Variants in CCND3 observed in about 807,000 individuals in gnomAD.
CCND3 encodes the protein G1/S-specific cyclin-D3.
A neutral mutation model predicts 28.7 loss-of-function variants in CCND3; 9 were observed. That is an observed-to-expected ratio of 0.31 (90% CI 0.19 to 0.55). The LOEUF (loss-of-function observed/expected upper bound fraction) is 0.55. Ranked by LOEUF, CCND3 falls within the 20% of genes least tolerant of loss-of-function variation. The probability of loss-of-function intolerance (pLI) is 0.93; values close to 1 mark genes in which losing one functional copy is unlikely to be tolerated. For missense variants in CCND3, 315 were observed against 385.8 expected, an observed-to-expected ratio of 0.82 and a Z score of 1.54; for synonymous variants, 164 against 163.9, an observed-to-expected ratio of 1.00 and a Z score of 0.00.
At chr6:42,013,431 GAGGGC>G (rs1763397895) in intron 1 of CCND3, among the ~76,000 whole-genome samples, 2 of 152,200 alleles carry the variant, frequency 1.3e-5, no homozygotes, top group African/African-American at 4.8e-5. Flanking sequence ...TAAGCTATAG[GAGGGC>G]AGGGTTGTTG....
At chr6:41,958,819 A>G (rs534412753) in intron 1 of CCND3, among the ~76,000 whole-genome samples, 1 of 152,324 alleles carries the variant, frequency 6.6e-6, no homozygotes, top group South Asian at 2.1e-4. Context: ...TCAGTTCGGA[A>G]ACAAGTGTTA....
chr6:42,029,314 A>G (rs1008228489), intron 1 of CCND3, among the ~76,000 whole-genome samples: 15 of 152,078 alleles, frequency 9.9e-5, no homozygotes, highest in Non-Finnish European at 2.1e-4. Flanking sequence ...TAGTTTTTGA[A>G]CAAGGGCTCT....
intron 1 of CCND3, among the ~76,000 whole-genome samples, chr6:41,959,528 CA>C (rs895130739): frequency 4.9e-4 from 74 of 151,696 alleles, no homozygotes; most frequent in Admixed American, 1.8e-3. Context: ...ACTAAAAATA[CA>C]AAAAATTAGC....
chr6:42,005,318 G>T (rs1287178491), intron 1 of CCND3, among the ~76,000 whole-genome samples: 1 of 152,064 alleles, frequency 6.6e-6, no homozygotes, highest in Non-Finnish European at 1.5e-5. Flanking sequence ...AGGGCGGGTG[G>T]ATAATTTGAG....
chr6:41,950,802 A>G (rs913988080), intron 1 of CCND3, among the ~76,000 whole-genome samples: 13 of 146,744 alleles, frequency 8.9e-5, no homozygotes, highest in Non-Finnish European at 1.6e-4. Flanking sequence ...TCCGCCTCCC[A>G]GGTTCACGCC....
chr6:41,982,822 C>T (rs1762385010), intron 1 of CCND3, among the ~76,000 whole-genome samples: 1 of 127,196 alleles, frequency 7.9e-6, no homozygotes, highest in Non-Finnish European at 1.6e-5. Flanking sequence ...AAAGGCAATA[C>T]AATGAAGTGA....
At position 41,982,929 on chromosome 6, in the gene CCND3, T is replaced by C. The variant is rs186076209; in HGVS notation, c.-45-42344A>G. ...AATCTAGATACAGATCTTATGCTCT[T>C]CACTAAGGTCAACTAAAAATGGATC... On this transcript the variant is annotated intron_variant, in intron 1 of 4. Transcript: ENST00000372988. 2.5e-4 allele frequency among the ~76,000 whole-genome samples: 38 copies of C among 149,730 alleles called. No homozygotes were observed. The East Asian group carries it at 7.2e-3, about 28-fold the overall frequency.
chr6:41,947,201 A>G (rs1347002464), intron 1 of CCND3, among the ~76,000 whole-genome samples: 2 of 151,798 alleles, frequency 1.3e-5, no homozygotes, highest in Non-Finnish European at 2.9e-5. Flanking sequence ...AGCCTGGGCA[A>G]CAGAGCAAGA....
At position 41,996,670 on chromosome 6, in the gene CCND3, C is replaced by CTT. The variant is rs34368226; in HGVS notation, c.-46+51829_-46+51830dup. On this transcript the variant is annotated intron_variant, in intron 1 of 4. Transcript: ENST00000372988. ...CCTTGAAGGTAGGGAAAAATCTTACCTTTTTTTTTTTTTGAGACGGAGTCT... is the reference window on the plus strand; with the variant it reads ...CCTTGAAGGTAGGGAAAAATCTTACCTTTTTTTTTTTTTTTGAGACGGAGTCT... Among the ~76,000 whole-genome samples, 211 of 141,336 alleles carry CTT rather than the reference C, an allele frequency of 1.5e-3. 1 individual carries two copies. In the Middle Eastern group the frequency reaches 0.022, roughly 15 times the overall value. 92.7% of individuals were successfully genotyped at this position (141,336 alleles called of 152,430 possible). A position where few individuals can be genotyped will look rare whatever the true frequency, so the allele number is the denominator to read the frequency against.
At chr6:41,999,117 T>G (rs775115808) in intron 1 of CCND3, among the ~76,000 whole-genome samples, 2 of 152,316 alleles carry the variant, frequency 1.3e-5, no homozygotes, top group Admixed American at 1.3e-4. Flanking sequence ...GTGGCCAACG[T>G]AGGATGTAAA....
chr6:41,939,701 C>T lies in CCND3; in HGVS notation c.414+669G>A, dbSNP rs1188645002. 1.3e-5 allele frequency among the ~76,000 whole-genome samples: 2 copies of T among 152,158 alleles called. No individual in the cohort carries two copies. The highest frequency in any genetic ancestry group is 2.9e-5 in the Non-Finnish European group (2 of 68,020). Reference sequence around the variant, plus strand: ...CTCCCTGTCTGTCCCTCAGCTTGGGCCTTGGGCTAAGGGGGGAAGAGGGAG... The same window carrying T: ...CTCCCTGTCTGTCCCTCAGCTTGGGTCTTGGGCTAAGGGGGGAAGAGGGAG... On this transcript the variant is annotated intron_variant, in intron 2 of 4. Transcript: ENST00000372991. This position sits in a 1 kb window ranked among gnomAD's most constrained non-coding sequence, Gnocchi z 4.2.
intron 1 of CCND3, among the ~76,000 whole-genome samples, chr6:41,999,144 C>G (rs992647514): frequency 3.3e-4 from 51 of 152,280 alleles, no homozygotes; most frequent in Non-Finnish European, 5.6e-4. Context: ...AGAATTTGTG[C>G]TGTGGCTGGG....
intron 1 of CCND3, chr6:41,940,856 C>T: frequency 1.6e-6 from 2 of 1,222,246 alleles, no homozygotes; most frequent in Non-Finnish European, 1.2e-6. Flanking sequence ...ACGGAGACTC[C>T]CCTCCCCCAC....
intron 1 of CCND3, among the ~76,000 whole-genome samples, chr6:42,023,485 A>G (rs193186330): frequency 6.6e-6 from 1 of 152,328 alleles, no homozygotes; most frequent in East Asian, 1.9e-4. Context: ...TGATTAGTTG[A>G]TGAAAGTCTT....
intron 1 of CCND3, among the ~76,000 whole-genome samples, chr6:42,004,491 G>C (rs906137440): frequency 3.3e-5 from 5 of 152,148 alleles, no homozygotes; most frequent in Non-Finnish European, 5.9e-5. Flanking sequence ...CCAGCACTTT[G>C]GGAGGCCCAG....
intron 1 of CCND3, among the ~76,000 whole-genome samples, chr6:41,973,076 T>C (rs1228835292): frequency 6.6e-6 from 1 of 152,070 alleles, no homozygotes; most frequent in Non-Finnish European, 1.5e-5. Flanking sequence ...TGGAAAATGG[T>C]AGAGAACACT....
intron 1 of CCND3, among the ~76,000 whole-genome samples, chr6:41,995,916 TAA>T (rs897715702): frequency 4.6e-5 from 7 of 151,574 alleles, no homozygotes; most frequent in African/African-American, 1.5e-4. Flanking sequence ...CTAAAAATTT[TAA>T]GTTATAAATT....
chr6:41,940,124 T>C (rs997752923), intron 2 of CCND3, among the ~76,000 whole-genome samples: 4 of 151,920 alleles, frequency 2.6e-5, no homozygotes, highest in African/African-American at 9.7e-5. Context: ...CAGGAAGGAG[T>C]GGCATCCCCT....
In CCND3 at chr6:41,938,933, C is replaced by T. The variant is rs1173914652; in HGVS notation, c.414+1437G>A. Among the ~76,000 whole-genome samples, 1 of 152,178 alleles carries T rather than the reference C, an allele frequency of 6.6e-6. No homozygotes were observed. Among genetic ancestry groups the T allele is most frequent in the African/African-American group, 2.4e-5 (1 of 41,438 alleles). On this transcript the variant is annotated intron_variant, in intron 2 of 4. Transcript: ENST00000372991. This position sits in a 1 kb window ranked among gnomAD's most constrained non-coding sequence, Gnocchi z 4.6. ...GGAAGTCTTTTGGGCACTCCACCCCCAGCTCAGGCAGAGGGAAGAGTACTT... is the reference window on the plus strand; with the variant it reads ...GGAAGTCTTTTGGGCACTCCACCCCTAGCTCAGGCAGAGGGAAGAGTACTT...
Sources: allele counts gnomAD v4.1 joint callset (sites outside exome capture counted in the v4.1 genomes callset), GRCh38; gene constraint gnomAD v4.1.1; non-coding constraint Gnocchi (gnomAD v3.1); transcripts MANE v1.5; gene names NCBI Gene and HGNC (gene_info 2026-07-23, HGNC 2026-07-21).